TSEN34: variants seen among roughly 807,000 people sequenced by gnomAD.
TSEN34 encodes the protein tRNA splicing endonuclease subunit 34.
In TSEN34, 25 loss-of-function variants were observed where a neutral mutation model predicts 30.2. The observed-to-expected ratio is 0.83, with a 90% CI of 0.60 to 1.16. TSEN34 has a LOEUF of 1.16. TSEN34 is among the 50% of genes most tolerant of loss of function. The pLI is 0.00. For synonymous variants in TSEN34, 209 were observed against 177.4 expected, an observed-to-expected ratio of 1.18 and a Z score of -1.41; for missense variants, 475 against 411.9, an observed-to-expected ratio of 1.15 and a Z score of -1.33.
chr19:54,190,963 G>A (rs2076654075), upstream of TSEN34: 2 of 1,074,444 alleles, frequency 1.9e-6, no homozygotes, highest in East Asian at 7.4e-5. Context: ...AGAGGGTGGT[G>A]CCAAAATGGA....
upstream of TSEN34, chr19:54,190,509 G>C: frequency 3.0e-6 from 4 of 1,352,002 alleles, no homozygotes; most frequent in Non-Finnish European, 3.8e-6. Context: ...GCTTTCGGCT[G>C]TGGGGTTCGG....
upstream of TSEN34, chr19:54,191,282 C>G: frequency 6.5e-7 from 1 of 1,538,538 alleles, no homozygotes; most frequent in Admixed American, 2.0e-5. Flanking sequence ...TCGCCGAGAC[C>G]CCGGAGGCTT....
upstream of TSEN34, chr19:54,190,328 C>A (rs1001496983): frequency 9.9e-6 from 15 of 1,512,816 alleles, no homozygotes; most frequent in African/African-American, 2.1e-4. Context: ...TGGCGCGGTG[C>A]GCAGTGGGTG....
Position 54,192,135 on chromosome 19 carries a change from A to C in TSEN34, c.507A>C (p.Ala169=). The change falls in exon 3 of 4, where the codon GCA becomes GCC. Residue 169 remains alanine, a synonymous_variant. Transcript: ENST00000396388. The stretch of plus-strand genomic sequence containing the variant: ...CACCAGGCCCCTCGTCTTCCCAAGC[A>C]GGACCCTCAAATGGGGTAGCCCCCT... The part of the protein sequence containing the change: ...QEEAGPSSSQ[A]GPSNGVAPLP... The C allele has an allele frequency of 6.2e-7, 1 of 1,614,238 alleles. No individual in the cohort carries two copies. Among genetic ancestry groups the C allele is most frequent in the Non-Finnish European group, 8.5e-7 (1 of 1,180,036 alleles).
At position 54,193,501 on chromosome 19, in the gene TSEN34, A is replaced by G. The variant is rs1052474561; in HGVS notation, c.*139A>G. Reference sequence around the variant, plus strand: ...TTGATTCCAGGTTTTCGAACACTACATCTTTTTTATGTTCTTCCTTGTTTC... The same window carrying G: ...TTGATTCCAGGTTTTCGAACACTACGTCTTTTTTATGTTCTTCCTTGTTTC... On this transcript the variant is annotated 3_prime_UTR_variant, in exon 4 of 4. Transcript: ENST00000396388. 6 of 1,545,438 alleles carry G rather than the reference A, an allele frequency of 3.9e-6. No individual in the cohort carries two copies. Among genetic ancestry groups the G allele is most frequent in the Non-Finnish European group, 5.2e-6 (6 of 1,146,034 alleles).
chr19:54,193,303 T>C lies in TSEN34; in HGVS notation c.874T>C (p.Ser292Pro). 1.2e-6 allele frequency: 2 copies of C among 1,614,116 alleles called. No homozygotes were observed. Among genetic ancestry groups the C allele is most frequent in the South Asian group, 1.1e-5 (1 of 91,072 alleles). ...CGTCAGAAAGACCCTGCTCCTCTGTTCTCCGCAGCCTGATGGTAAGGTGGT... is the reference window on the plus strand; with the variant it reads ...CGTCAGAAAGACCCTGCTCCTCTGTCCTCCGCAGCCTGATGGTAAGGTGGT... ...TSVRKTLLLCSPQPDGKVVYT... is the reference protein window; with the variant it reads ...TSVRKTLLLCPPQPDGKVVYT... Residue 292 changes from serine to proline, a missense_variant, in exon 4 of 4, where the codon TCT becomes CCT. Coordinates refer to ENST00000396388, the MANE Select transcript of TSEN34 (RefSeq NM_001077446.4).
Sources: gnomAD v4.1 joint callset for allele counts on GRCh38, gnomAD v4.1.1 for gene constraint, MANE v1.5 for transcripts, NCBI Gene and HGNC (gene_info 2026-07-23, HGNC 2026-07-21) for gene names.